The following NRG1 variants were observed in gnomAD, a reference collection of about 807,000 sequenced individuals.
The protein encoded by NRG1 is pro-neuregulin-1, membrane-bound isoform.
A neutral mutation model predicts 63.8 loss-of-function variants in NRG1; 18 were observed. The ratio of observed to expected loss-of-function variants is 0.28; its 90% CI spans 0.19 to 0.42. The LOEUF (loss-of-function observed/expected upper bound fraction) is 0.42, where lower values mean the gene tolerates loss of function less well. Ranked by LOEUF, NRG1 falls within the 10% of genes least tolerant of loss-of-function variation. NRG1 has a pLI of 1.00. For missense variants in NRG1, 762 were observed against 814.7 expected, an observed-to-expected ratio of 0.94 and a Z score of 0.79; for synonymous variants, 302 against 301.3, an observed-to-expected ratio of 1.00 and a Z score of -0.02.
intron 1 of NRG1, among the ~76,000 whole-genome samples, chr8:32,400,316 C>A (rs879692385): frequency 6.6e-6 from 1 of 152,172 alleles, no homozygotes; most frequent in Non-Finnish European, 1.5e-5. Context: ...AACTCTGTCT[C>A]TACCAAAAAT....
chr8:32,256,901 G>T (rs1273732800), intron 1 of NRG1, among the ~76,000 whole-genome samples: 1 of 152,110 alleles, frequency 6.6e-6, no homozygotes, highest in Non-Finnish European at 1.5e-5. Flanking sequence ...CCCTTCCCCC[G>T]GGTGCTCTGT....
intron 1 of NRG1, among the ~76,000 whole-genome samples, chr8:31,769,915 G>A (rs1236988405): frequency 6.6e-6 from 1 of 152,148 alleles, no homozygotes; most frequent in African/African-American, 2.4e-5. Flanking sequence ...AAACACTCTG[G>A]GGTGTTTATG....
chr8:31,831,396 C>A (rs1039117402), intron 1 of NRG1, among the ~76,000 whole-genome samples: 4 of 151,886 alleles, frequency 2.6e-5, no homozygotes, highest in Non-Finnish European at 5.9e-5. Context: ...AGCCACCGTG[C>A]CCAGCCCACA....
Position 31,903,438 on chromosome 8 carries a change from C to G in NRG1, c.37+264007C>G, listed in dbSNP as rs188924597. Reference sequence around the variant, plus strand: ...TGTTGGGATTACAGACGTGAGCCACCGCGCCCGGCCGAGCCTTCAACTTGA... The same window carrying G: ...TGTTGGGATTACAGACGTGAGCCACGGCGCCCGGCCGAGCCTTCAACTTGA... On this transcript the variant is annotated intron_variant, in intron 1 of 10. Coordinates refer to the NRG1 transcript ENST00000519301. 3.3e-5 allele frequency among the ~76,000 whole-genome samples: 5 copies of G among 151,732 alleles called. No individual in the cohort carries two copies. The East Asian group carries it at 9.9e-4, about 30-fold the overall frequency.
At chr8:32,655,019 GATA>G (rs537037363) in intron 5 of NRG1, among the ~76,000 whole-genome samples, 1 of 151,922 alleles carries the variant, frequency 6.6e-6, no homozygotes, top group African/African-American at 2.4e-5. Context: ...ATTTAAATGT[GATA>G]ATAATAATAA....
chr8:32,724,915 A>G (rs774908612), intron 5 of NRG1, among the ~76,000 whole-genome samples: 3 of 152,200 alleles, frequency 2.0e-5, no homozygotes, highest in Non-Finnish European at 4.4e-5. Flanking sequence ...TTAAATGACT[A>G]TGTCAGAGCT....
chr8:31,970,917 G>A (rs112369739), intron 1 of NRG1, among the ~76,000 whole-genome samples: 3,350 of 152,108 alleles, frequency 0.022, 126 homozygotes, highest in African/African-American at 0.077. Context: ...GGTGGCGGGC[G>A]CCTGTAGTCC....
At chr8:32,067,967 T>C (rs796125274) in intron 1 of NRG1, among the ~76,000 whole-genome samples, 2 of 152,334 alleles carry the variant, frequency 1.3e-5, no homozygotes, top group South Asian at 4.1e-4. Context: ...TCAATGCTTG[T>C]GTAGTTTTTC....
chr8:31,822,554 C>A (rs1354334), intron 1 of NRG1, among the ~76,000 whole-genome samples: 65,344 of 151,948 alleles, frequency 0.43, 14,426 homozygotes, highest in East Asian at 0.69. Context: ...ACTAGGCCTC[C>A]CAGTCGTACT....
Position 31,830,742 on chromosome 8 carries a change from C to T in NRG1, c.37+191311C>T, listed in dbSNP as rs571945714. ...TATACCTGTTGGTATACCTACTCCT[C>T]CTACTTCCTCCCTTAGTCTGTGGGG... On this transcript the variant is annotated intron_variant, in intron 1 of 10. Coordinates refer to the NRG1 transcript ENST00000519301. Among the ~76,000 whole-genome samples, 90 of 152,184 alleles carry T rather than the reference C, an allele frequency of 5.9e-4. 1 individual carries two copies. Among genetic ancestry groups the T allele is most frequent in the Non-Finnish European group, 8.8e-4 (60 of 68,002 alleles).
Position 32,759,565 on chromosome 8 carries a change from TCAA to T in NRG1, c.1052+131_1052+133del. On this transcript the variant is annotated intron_variant, in intron 10 of 11. Transcript: ENST00000356819. The stretch of plus-strand genomic sequence containing the variant: ...TTTGGGCAGCAACAGATTTTGAAAA[TCAA>T]CTGGCTTTGCCCTTAATTCCTGCAT... 2.6e-6 allele frequency: 3 copies of T among 1,160,306 alleles called. No individual in the cohort carries two copies. The South Asian group carries it at 5.1e-5, about 20-fold the overall frequency. 71.9% of individuals were successfully genotyped at this position (1,160,306 alleles called of 1,614,324 possible).
intron 1 of NRG1, among the ~76,000 whole-genome samples, chr8:32,005,914 G>C (rs1387051061): frequency 1.3e-5 from 2 of 151,922 alleles, no homozygotes; most frequent in Non-Finnish European, 2.9e-5. Context: ...TTGACTTTTG[G>C]TTCATTAGAA....
At chr8:32,412,401 T>C (rs971387392) in intron 1 of NRG1, among the ~76,000 whole-genome samples, 2 of 61,084 alleles carry the variant, frequency 3.3e-5, no homozygotes, top group African/African-American at 4.8e-5. Flanking sequence ...CTCTCTCTCC[T>C]CTCTCTCTCT....
At chr8:32,597,607 T>A (rs1046617950) in intron 2 of NRG1, among the ~76,000 whole-genome samples, 2 of 152,150 alleles carry the variant, frequency 1.3e-5, no homozygotes, top group African/African-American at 2.4e-5. Flanking sequence ...CAGCAGCACA[T>A]GGCAACTATC....
chr8:31,720,624 T>G (rs185543236), intron 1 of NRG1, among the ~76,000 whole-genome samples: 260 of 152,334 alleles, frequency 1.7e-3, no homozygotes, highest in African/African-American at 5.9e-3. Context: ...CAAACCGTTT[T>G]TTTGTTTGTT....
At chr8:32,113,192 A>G (rs762728490) in intron 1 of NRG1, among the ~76,000 whole-genome samples, 6 of 152,124 alleles carry the variant, frequency 3.9e-5, no homozygotes, top group African/African-American at 7.2e-5. Flanking sequence ...GATCCCTGAA[A>G]ATGGCATTTG....
intron 1 of NRG1, among the ~76,000 whole-genome samples, chr8:32,227,769 C>G (rs1166734549): frequency 2.6e-5 from 4 of 152,136 alleles, no homozygotes; most frequent in African/African-American, 4.8e-5. Flanking sequence ...TTTCTGGCCC[C>G]CTGCTTCTTA....
intron 1 of NRG1, among the ~76,000 whole-genome samples, chr8:32,182,094 GGCT>G (rs1267235490): frequency 6.6e-6 from 1 of 152,182 alleles, no homozygotes; most frequent in East Asian, 1.9e-4. Context: ...AGCTGAGGTT[GGCT>G]GTTGTGAGGT....
chr8:32,330,155 G>A (rs1052733433), intron 1 of NRG1, among the ~76,000 whole-genome samples: 4 of 149,920 alleles, frequency 2.7e-5, no homozygotes, highest in African/African-American at 9.8e-5. Flanking sequence ...TGCCTTACCT[G>A]GGATTACAGG....
Sources: gnomAD v4.1 joint callset for allele counts (sites outside exome capture counted in the v4.1 genomes callset) on GRCh38, gnomAD v4.1.1 for gene constraint, MANE v1.5 for transcripts, NCBI Gene and HGNC (gene_info 2026-07-23, HGNC 2026-07-21) for gene names.